Variants in COL11A1 observed in about 807,000 individuals in gnomAD.
The protein encoded by COL11A1 is collagen alpha-1(XI) chain.
Under a neutral mutation model 265.2 loss-of-function variants are expected in COL11A1, and 74 were observed. That is an observed-to-expected ratio of 0.28 (90% CI 0.23 to 0.34). COL11A1 has a LOEUF of 0.34. COL11A1 is among the 10% of genes least tolerant of loss of function. The pLI, the probability that COL11A1 is intolerant of heterozygous loss-of-function variation, is 1.00. For synonymous variants in COL11A1, 816 were observed against 727.6 expected (o/e 1.12, Z -1.96); for missense variants, 2,165 against 2,263.6 (o/e 0.96, Z 0.88).
At position 102,963,120 on chromosome 1, in the gene COL11A1, C is replaced by G. The variant is rs114946420; in HGVS notation, c.2917-360G>C. Reference sequence around the variant, plus strand: ...CATTCCTTCTTTTCATATGAGGTGTCAAATCAGCTTAGTAGTAAAGAGGCA... The same window carrying G: ...CATTCCTTCTTTTCATATGAGGTGTGAAATCAGCTTAGTAGTAAAGAGGCA... On this transcript the variant is annotated intron_variant, in intron 38 of 66. Transcript: ENST00000370096. 7.2e-3 allele frequency among the ~76,000 whole-genome samples: 1,100 copies of G among 152,134 alleles called. 14 individuals are homozygous for G. Among genetic ancestry groups the G allele is most frequent in the African/African-American group, 0.025 (1,045 of 41,512 alleles).
At chr1:103,091,329 A>G (rs1371553687) in intron 1 of COL11A1, among the ~76,000 whole-genome samples, 1 of 152,060 alleles carries the variant, frequency 6.6e-6, no homozygotes, top group Non-Finnish European at 1.5e-5. Context: ...ATTGACTTAA[A>G]TACTCCCATA....
intron 41 of COL11A1, among the ~76,000 whole-genome samples, chr1:102,955,861 T>C (rs1232746306): frequency 1.3e-5 from 2 of 152,190 alleles, no homozygotes; most frequent in African/African-American, 4.8e-5. Context: ...TGCTACTTTC[T>C]GCCTTGTGTG....
chr1:102,878,237 G>A, intron 66 of COL11A1, 72 bp from the exon 67 acceptor site: 1 of 1,400,668 alleles, frequency 7.1e-7, no homozygotes. Flanking sequence ...TTTTTTCTTG[G>A]GCTTCTGAGT....
rs1665604993 is a variant in COL11A1, at chr1:103,006,269, C to G, written c.1730G>C (p.Gly577Ala). 6.2e-7 allele frequency: 1 copy of G among 1,608,178 alleles called. No individual in the cohort carries two copies. Among genetic ancestry groups the G allele is most frequent in the Non-Finnish European group, 8.5e-7 (1 of 1,177,210 alleles). ...AATGAAAATAAGCCATACCCTTTTT[C>G]CAGGTTTTCCCGTTGGACCAGGGGG... ...QGPPGPTGKP[G>A]KRGRPGADGG... The change falls in exon 16 of 67, where the codon GGA becomes GCA. Residue 577 changes from glycine to alanine, a missense_variant. Physicochemically the swap from Gly to Ala is moderately conservative, Grantham distance 60 (BLOSUM62 0). Coordinates refer to ENST00000370096, the MANE Select transcript of COL11A1 (RefSeq NM_001854.4).
At position 102,914,355 on chromosome 1, in the gene COL11A1, A is replaced by C; in HGVS notation, c.3975T>G (p.Pro1325=). The C allele has an allele frequency of 6.2e-7, 1 of 1,605,978 alleles. No individual in the cohort carries two copies. Among genetic ancestry groups the C allele is most frequent in the Non-Finnish European group, 8.5e-7 (1 of 1,173,950 alleles). ...GDPGPPGEPG[P]AGQDGVGGDK... ...TTGATTTTTCCCTGATACTTACTGC[A>C]GGGCCAGGTTCCCCAGGAGGACCAG... Residue 1325 remains proline, a synonymous_variant, in exon 52 of 67, where the codon CCT becomes CCG. Coordinates refer to ENST00000370096, the MANE Select transcript of COL11A1 (RefSeq NM_001854.4).
intron 4 of COL11A1, among the ~76,000 whole-genome samples, chr1:103,046,056 T>G (rs61816507): frequency 4.6e-5 from 7 of 151,604 alleles, no homozygotes; most frequent in Non-Finnish European, 7.4e-5. Flanking sequence ...CTTTGCTATT[T>G]TGAATAGTGC....
Position 102,988,073 on chromosome 1 carries a change from T to A in COL11A1, c.2395-333A>T, listed in dbSNP as rs111686332. Among the ~76,000 whole-genome samples the A allele has an allele frequency of 1.4e-3, 210 of 152,230 alleles. 1 individual carries two copies. Among genetic ancestry groups the A allele is most frequent in the Middle Eastern group, 3.4e-3 (1 of 294 alleles). ...CCAGCCATTGTTCCGAAAGTTACAA[T>A]GTTTATAACTTCCCCAATTACTCCT... On this transcript the variant is annotated intron_variant, in intron 29 of 66. Coordinates refer to ENST00000370096, the MANE Select transcript of COL11A1 (RefSeq NM_001854.4).
chr1:102,915,394 A>G (rs1570716766), intron 50 of COL11A1, among the ~76,000 whole-genome samples: 1 of 152,334 alleles, frequency 6.6e-6, no homozygotes, highest in South Asian at 2.1e-4. Context: ...TAAACAGCCC[A>G]TAGTTTTAAT....
rs1299258227 is a variant in COL11A1 at position 102,975,785 on chromosome 1, G to A, written c.2755-902C>T. Among the ~76,000 whole-genome samples the A allele has an allele frequency of 5.3e-5, 8 of 152,126 alleles. No individual in the cohort carries two copies. In the East Asian group the frequency reaches 1.4e-3, roughly 26 times the overall value. On this transcript the variant is annotated intron_variant, in intron 35 of 66. Coordinates refer to ENST00000370096, the MANE Select transcript of COL11A1 (RefSeq NM_001854.4). The stretch of plus-strand genomic sequence containing the variant: ...ATGTATTTTTCTAATCAAAAATAGA[G>A]TTTACTGAAGTTGGCCTTCAATAGA...
intron 1 of COL11A1, among the ~76,000 whole-genome samples, chr1:103,102,048 T>C (rs1442013005): frequency 6.6e-6 from 1 of 152,032 alleles, no homozygotes; most frequent in Non-Finnish European, 1.5e-5. Flanking sequence ...TAGATATTAC[T>C]CACTAAATCA....
At chr1:102,943,824 C>T (rs750282389) in intron 42 of COL11A1, among the ~76,000 whole-genome samples, 7 of 152,080 alleles carry the variant, frequency 4.6e-5, no homozygotes, top group African/African-American at 9.7e-5. Flanking sequence ...TAGCTCTTCC[C>T]CCCAATTTCT....
chr1:102,922,691 T>G (rs4453063), intron 47 of COL11A1, among the ~76,000 whole-genome samples: 112,551 of 152,096 alleles, frequency 0.74, 46,214 homozygotes, highest in East Asian at 1. Context: ...GAGCCACCGC[T>G]CCCGGCCAGC....
intron 30 of COL11A1, among the ~76,000 whole-genome samples, chr1:102,986,188 G>A (rs1663524530): frequency 6.6e-6 from 1 of 151,870 alleles, no homozygotes; most frequent in Admixed American, 6.6e-5. Context: ...TGATAGACTG[G>A]ATTAAGAAAA....
chr1:103,039,502 A>G (rs1668639951), intron 4 of COL11A1, among the ~76,000 whole-genome samples: 2 of 152,206 alleles, frequency 1.3e-5, no homozygotes, highest in South Asian at 2.1e-4. Flanking sequence ...CTCCTTTAAG[A>G]AAGGAGTAAG....
chr1:102,920,506 T>G, intron 48 of COL11A1, 142 bp from the exon 49 acceptor site: 2 of 695,322 alleles, frequency 2.9e-6, no homozygotes, highest in South Asian at 3.3e-5. Flanking sequence ...TAAATGATGC[T>G]TAATAGAATT....
rs1463041 is a variant in COL11A1 at position 102,882,983 on chromosome 1, G to T, written c.4971+216C>A. On this transcript the variant is annotated intron_variant, in intron 64 of 66. Transcript: ENST00000370096. ...TTTAGTGAGCAAGCAGGTGCAGAAA[G>T]AATACATCTGGGTAAAAAATAAAGA... 0.033 allele frequency among the ~76,000 whole-genome samples: 4,959 copies of T among 152,188 alleles called. 266 individuals carry two copies. The highest frequency in any genetic ancestry group is 0.11 in the African/African-American group (4,744 of 41,518).
intron 4 of COL11A1, among the ~76,000 whole-genome samples, chr1:103,046,655 G>A (rs902802172): frequency 7.9e-5 from 12 of 151,280 alleles, no homozygotes; most frequent in Middle Eastern, 3.4e-3. Context: ...ATTGCTTTTG[G>A]TGTTTTAGAC....
At chr1:102,891,641 G>T (rs1651792342) in intron 57 of COL11A1, among the ~76,000 whole-genome samples, 3 of 151,132 alleles carry the variant, frequency 2.0e-5, no homozygotes, top group Admixed American at 1.3e-4. Flanking sequence ...TTGAGAGCCT[G>T]AGGTGGGAGG....
At chr1:102,976,506 C>T in intron 35 of COL11A1, among the ~76,000 whole-genome samples, 1 of 151,992 alleles carries the variant, frequency 6.6e-6, no homozygotes, top group South Asian at 2.1e-4. Context: ...ACCATGTTGG[C>T]CAGGCTGGTC....
Sources: gnomAD v4.1 joint callset for allele counts (sites outside exome capture counted in the v4.1 genomes callset) on GRCh38, gnomAD v4.1.1 for gene constraint, MANE v1.5 for transcripts, NCBI Gene and HGNC (gene_info 2026-07-23, HGNC 2026-07-21) for gene names.